SLIT3: variants seen among roughly 807,000 people sequenced by gnomAD.
The protein encoded by SLIT3 is slit guidance ligand 3.
SLIT3 carries 68 observed loss-of-function variants against 184.0 expected under a neutral mutation model. That is an observed-to-expected ratio of 0.37 (90% CI 0.30 to 0.45). The LOEUF is 0.45. Ranked by LOEUF, SLIT3 falls within the 20% of genes least tolerant of loss-of-function variation. The pLI is 1.00. For missense variants in SLIT3, 1,707 were observed against 2,026.0 expected, an observed-to-expected ratio of 0.84 and a Z score of 3.02; for synonymous variants, 831 against 828.6, an observed-to-expected ratio of 1.00 and a Z score of -0.05.
chr5:168,932,522 G>A (rs1304115816), intron 4 of SLIT3, among the ~76,000 whole-genome samples: 1 of 152,068 alleles, frequency 6.6e-6, no homozygotes, highest in Non-Finnish European at 1.5e-5. Context: ...TTCCAGTCAA[G>A]TCCTAGTGTA....
At chr5:168,857,324 TAAGA>T (rs1196428567) in intron 5 of SLIT3, among the ~76,000 whole-genome samples, 1 of 152,254 alleles carries the variant, frequency 6.6e-6, no homozygotes, top group Non-Finnish European at 1.5e-5. Context: ...GGGTAGGGGA[TAAGA>T]AAGAGTGATT....
At chr5:168,904,547 G>A (rs909604168) in intron 4 of SLIT3, among the ~76,000 whole-genome samples, 4 of 151,984 alleles carry the variant, frequency 2.6e-5, no homozygotes, top group African/African-American at 7.2e-5. Flanking sequence ...TCATGTGCTA[G>A]TATGTTTCTA....
intron 4 of SLIT3, among the ~76,000 whole-genome samples, chr5:169,146,768 C>T (rs1219728379): frequency 6.6e-6 from 1 of 152,216 alleles, no homozygotes; most frequent in African/African-American, 2.4e-5. Context: ...TAGGCCTCAC[C>T]TTGCACATAT....
intron 4 of SLIT3, among the ~76,000 whole-genome samples, chr5:169,025,645 C>G (rs1756790777): frequency 6.6e-6 from 1 of 152,156 alleles, no homozygotes; most frequent in African/African-American, 2.4e-5. Flanking sequence ...GATTAACTCT[C>G]TTTTGTACAG....
intron 20 of SLIT3, among the ~76,000 whole-genome samples, chr5:168,746,998 T>C (rs1754491657): frequency 7.1e-6 from 1 of 140,790 alleles, no homozygotes; most frequent in Non-Finnish European, 1.5e-5. Context: ...ATGTGTGGTG[T>C]GTGGTGTGGT....
At chr5:169,161,958 C>T (rs1282831336) in intron 4 of SLIT3, among the ~76,000 whole-genome samples, 3 of 152,144 alleles carry the variant, frequency 2.0e-5, no homozygotes, top group Admixed American at 6.5e-5. Context: ...GAATTAAGTT[C>T]ATGTTTGTAA....
chr5:168,790,530 A>ATTCT (rs1255268712), intron 10 of SLIT3: 2 of 152,150 alleles, frequency 1.3e-5, no homozygotes, highest in Non-Finnish European at 2.9e-5. Flanking sequence ...CTGAGGGGAA[A>ATTCT]TTCTTTCTCT....
chr5:169,277,077 C>A (rs1052801249), intron 1 of SLIT3, among the ~76,000 whole-genome samples: 2 of 152,196 alleles, frequency 1.3e-5, no homozygotes, highest in East Asian at 3.8e-4. Flanking sequence ...TTTCTCCCCT[C>A]CCCAGCCCAT....
intron 3 of SLIT3, among the ~76,000 whole-genome samples, chr5:169,243,069 T>C (rs1370039551): frequency 1.3e-5 from 2 of 152,122 alleles, no homozygotes; most frequent in East Asian, 1.9e-4. Context: ...TGGGTCTGTT[T>C]CTTCATCTGC....
At chr5:169,105,111 C>T (rs1356756273) in intron 4 of SLIT3, among the ~76,000 whole-genome samples, 1 of 152,128 alleles carries the variant, frequency 6.6e-6, no homozygotes, top group Non-Finnish European at 1.5e-5. Flanking sequence ...CTGTGAACGG[C>T]AGGTTTCTGG....
intron 1 of SLIT3, among the ~76,000 whole-genome samples, chr5:169,268,543 A>G (rs754812131): frequency 6.6e-5 from 10 of 152,156 alleles, no homozygotes; most frequent in Non-Finnish European, 1.5e-4. Context: ...CCTTTCTTAC[A>G]CATCTGGGCA....
rs192016669 is a variant in SLIT3, at chr5:168,849,504, C to A, written c.486-4849G>T. 3.9e-5 allele frequency among the ~76,000 whole-genome samples: 6 copies of A among 152,306 alleles called. No homozygotes were observed. In the East Asian group the frequency reaches 7.7e-4, roughly 20 times the overall value. On this transcript the variant is annotated intron_variant, in intron 5 of 35. Coordinates refer to ENST00000519560, the MANE Select transcript of SLIT3 (RefSeq NM_003062.4). ...TTCTGCATGAAATTCACAAGGGAAG[C>A]CTTACTAGAAACCCAAAGCAAGTCA...
chr5:169,190,845 T>G (rs1289007013), intron 4 of SLIT3, among the ~76,000 whole-genome samples: 2 of 152,170 alleles, frequency 1.3e-5, no homozygotes, highest in African/African-American at 4.8e-5. Flanking sequence ...ATTTGTACCC[T>G]GCTTACTTCC....
chr5:169,146,623 C>T (rs1761934808), intron 4 of SLIT3, among the ~76,000 whole-genome samples: 1 of 152,148 alleles, frequency 6.6e-6, no homozygotes, highest in Non-Finnish European at 1.5e-5. Flanking sequence ...GCACACCTCT[C>T]ACCCACCAGG....
At chr5:168,998,709 A>AAAAC (rs879636563) in intron 4 of SLIT3, among the ~76,000 whole-genome samples, 5,256 of 151,180 alleles carry the variant, frequency 0.035, 118 homozygotes, top group Middle Eastern at 0.051. Flanking sequence ...ATTTCAAAAC[A>AAAAC]AAACAAAACA....
At chr5:169,274,303 G>A (rs1463249424) in intron 1 of SLIT3, among the ~76,000 whole-genome samples, 1 of 152,200 alleles carries the variant, frequency 6.6e-6, no homozygotes, top group Non-Finnish European at 1.5e-5. Context: ...TGAAAGCCTT[G>A]TAGGATTTGA....
chr5:169,240,898 T>C (rs1387607261), intron 3 of SLIT3, among the ~76,000 whole-genome samples: 1 of 151,560 alleles, frequency 6.6e-6, no homozygotes, highest in Non-Finnish European at 1.5e-5. Context: ...TTAGAGGCTA[T>C]GCTACAGATT....
At chr5:169,119,352 T>C (rs554247594) in intron 4 of SLIT3, among the ~76,000 whole-genome samples, 77 of 152,316 alleles carry the variant, frequency 5.1e-4, no homozygotes, top group Non-Finnish European at 8.8e-4. Flanking sequence ...GATGGTTTGA[T>C]AGAGGGACTT....
intron 5 of SLIT3, among the ~76,000 whole-genome samples, chr5:168,845,512 C>T (rs908175730): frequency 2.7e-4 from 27 of 101,530 alleles, no homozygotes; most frequent in African/African-American, 8.9e-4. Flanking sequence ...CCTTTCCATC[C>T]TGTGATCCTG....
Sources: gnomAD v4.1 joint callset for allele counts (sites outside exome capture counted in the v4.1 genomes callset) on GRCh38, gnomAD v4.1.1 for gene constraint, MANE v1.5 for transcripts, NCBI Gene and HGNC (gene_info 2026-07-23, HGNC 2026-07-21) for gene names.